SKI: variants seen among roughly 807,000 people sequenced by gnomAD.
SKI encodes SKI proto-oncogene, also known as ski oncogene.
In SKI, 23 loss-of-function variants were observed where a neutral mutation model predicts 59.3. That is an observed-to-expected ratio of 0.39 (90% CI 0.28 to 0.55). SKI has a LOEUF of 0.55. SKI is among the 20% of genes least tolerant of loss of function. The pLI is 0.67. For missense variants in SKI, 1,017 were observed against 1,038.9 expected (o/e 0.98, Z 0.29); for synonymous variants, 673 against 488.6 (o/e 1.38, Z -4.98).
Position 2,303,407 on chromosome 1 carries a change from G to T in SKI, c.1211+7G>T, listed in dbSNP as rs763945236. The T allele has an allele frequency of 1.2e-6, 2 of 1,607,186 alleles. No individual in the cohort carries two copies. Among genetic ancestry groups the T allele is most frequent in the East Asian group, 2.2e-5 (1 of 44,822 alleles). ...CGGCCCTCATCCGAGACAGGTGAGT[G>T]GGCGCCATTCACAGGTGTTTCTGAT... is the stretch of plus-strand genomic sequence containing the variant. On this transcript the variant is annotated splice_region_variant and intron_variant, in intron 3 of 6. Coordinates refer to ENST00000378536, the MANE Select transcript of SKI (RefSeq NM_003036.4). The surrounding 1 kb of genome is among the most constrained non-coding windows in gnomAD (Gnocchi z 5.6).
intron 1 of SKI, 108 bp from the exon 2 acceptor site, chr1:2,302,870 G>T: frequency 2.8e-6 from 4 of 1,451,668 alleles, no homozygotes; most frequent in Non-Finnish European, 2.9e-6. Context: ...AGGGTCGTTT[G>T]TGGCCGGAGT....
At chr1:2,299,253 AG>A (rs35472917) in intron 1 of SKI, among the ~76,000 whole-genome samples, 103,786 of 151,496 alleles carry the variant, frequency 0.69, 36,961 homozygotes, top group African/African-American at 0.88. Flanking sequence ...TGCCTCGGGG[AG>A]GGGGGGGGCC....
At chr1:2,292,596 A>G (rs1306036648) in intron 1 of SKI, among the ~76,000 whole-genome samples, 6 of 152,196 alleles carry the variant, frequency 3.9e-5, no homozygotes, top group African/African-American at 1.4e-4. Flanking sequence ...GTACCTGGCC[A>G]CAGCTGTCTC....
At chr1:2,279,939 T>C (rs1257658181) in intron 1 of SKI, among the ~76,000 whole-genome samples, 1 of 152,090 alleles carries the variant, frequency 6.6e-6, no homozygotes, top group Non-Finnish European at 1.5e-5. Flanking sequence ...CAGGCAGTTT[T>C]AGAGTAGGGT....
Position 2,304,582 on chromosome 1 carries a change from C to T in SKI, c.1764C>T (p.His588=). ...CCCTGCAGGCCAAGCGCAGCCTCCA[C>T]CAGGTGAGCGGGGCGAGTGGTGCTG... ...SAALQAKRSL[H]QELEFLRVAK... is the part of the protein sequence containing the mutation. The change falls in exon 5 of 7, where the codon CAC becomes CAT. Residue 588 remains histidine, a synonymous_variant. Transcript: ENST00000378536. 1 of 1,552,092 alleles carries T rather than the reference C, an allele frequency of 6.4e-7. No individual in the cohort carries two copies. The highest frequency in any genetic ancestry group is 2.4e-5 in the East Asian group (1 of 41,150).
At chr1:2,274,851 C>T (rs754900856) in intron 1 of SKI, among the ~76,000 whole-genome samples, 7 of 152,202 alleles carry the variant, frequency 4.6e-5, no homozygotes, top group East Asian at 1.9e-4. Context: ...GTCACTTTCC[C>T]GGCCGCCACG....
chr1:2,293,271 C>G (rs147195582), intron 1 of SKI, among the ~76,000 whole-genome samples: 438 of 152,240 alleles, frequency 2.9e-3, no homozygotes, highest in Non-Finnish European at 5.0e-3. Context: ...ACCTGAGGTT[C>G]GTGGTGGGAT....
At position 2,269,365 on chromosome 1, in the gene SKI, T is replaced by C. The variant is rs970434263; in HGVS notation, c.970-33613T>C. Among the ~76,000 whole-genome samples, 7 of 152,202 alleles carry C rather than the reference T, an allele frequency of 4.6e-5. No homozygotes were observed. Among genetic ancestry groups the C allele is most frequent in the Admixed American group, 2.0e-4 (3 of 15,288 alleles). On this transcript the variant is annotated intron_variant, in intron 1 of 6. Transcript: ENST00000378536. The surrounding 1 kb of genome is among the most constrained non-coding windows in gnomAD (Gnocchi z 4.7). ...ACAGAGACAGTGGGTTTTGCAGTGATGTGAGCTTTGACGGAAGTGGCCACA... is the reference window on the plus strand; with the variant it reads ...ACAGAGACAGTGGGTTTTGCAGTGACGTGAGCTTTGACGGAAGTGGCCACA...
chr1:2,233,006 T>C (rs911698153), intron 1 of SKI, among the ~76,000 whole-genome samples: 2 of 152,208 alleles, frequency 1.3e-5, no homozygotes, highest in African/African-American at 4.8e-5. Context: ...TACATTTTTT[T>C]GTCAGTATAG....
rs1640595673 is a variant in SKI at position 2,306,721 on chromosome 1, C to T, written c.2143C>T (p.Pro715Ser). ...LQEQLWPRAR[P>S]EAAGSEGAAE... is the part of the protein sequence containing the mutation. ...GGAACAGCTGTGGCCGCGGGCCCGC[C>T]CCGAGGCTGCGGGCAGCGAGGGCGC... Residue 715 changes from proline to serine, a missense_variant, in exon 7 of 7, where the codon CCC becomes TCC. Pro to Ser is a moderately conservative substitution (Grantham distance 74, BLOSUM62 -1). Coordinates refer to ENST00000378536, the MANE Select transcript of SKI (RefSeq NM_003036.4). The T allele has an allele frequency of 2.6e-6, 4 of 1,534,646 alleles. No homozygotes were observed. The highest frequency in any genetic ancestry group is 1.2e-5 in the South Asian group (1 of 82,890).
At position 2,303,107 on chromosome 1, in the gene SKI, C is replaced by A; in HGVS notation, c.1095+4C>A. ...CTTGGCCGGCTCTTCCAATAAGGTGCTGTGGGGCCTGTCGGGGTCCTTGGG... is the reference window on the plus strand; with the variant it reads ...CTTGGCCGGCTCTTCCAATAAGGTGATGTGGGGCCTGTCGGGGTCCTTGGG... On this transcript the variant is annotated splice_donor_region_variant and intron_variant, in intron 2 of 6. Transcript: ENST00000378536. The surrounding 1 kb of genome is among the most constrained non-coding windows in gnomAD (Gnocchi z 5.6). The A allele has an allele frequency of 6.2e-7, 1 of 1,613,224 alleles. No individual in the cohort carries two copies. The highest frequency in any genetic ancestry group is 8.5e-7 in the Non-Finnish European group (1 of 1,180,018).
chr1:2,231,045 C>T (rs1004572746), intron 1 of SKI, among the ~76,000 whole-genome samples: 6 of 152,196 alleles, frequency 3.9e-5, no homozygotes, highest in Admixed American at 1.3e-4. Flanking sequence ...GCCTGCAGAC[C>T]TGTGGGCTGG....
rs1638854551 is a variant in SKI, at chr1:2,240,815, GCT to G, written c.969+11083_969+11084del. ...CAGGTGAGAGGCGCGAGAAACCACA[GCT>G]CTTAGGAAAATCCGTGCTGCCCAGT... On this transcript the variant is annotated intron_variant, in intron 1 of 6. Coordinates refer to ENST00000378536, the MANE Select transcript of SKI (RefSeq NM_003036.4). 4 of 985,154 alleles carry G rather than the reference GCT, an allele frequency of 4.1e-6. 1 individual carries two copies. The African/African-American group carries it at 7.0e-5, about 17-fold the overall frequency. The allele number at this position is 985,154 out of a possible 1,614,324, so 61.0% of individuals were successfully genotyped here.
rs1639520176 is a variant in SKI, at chr1:2,267,280, G to A, written c.970-35698G>A. ...TGTGGGCCAGCCGTCAGGAAAGGGGGGACTAGCACGTACCACTCAGAATTC... is the reference window on the plus strand; with the variant it reads ...TGTGGGCCAGCCGTCAGGAAAGGGGAGACTAGCACGTACCACTCAGAATTC... On this transcript the variant is annotated intron_variant, in intron 1 of 6. Transcript: ENST00000378536. The surrounding 1 kb of genome is among the most constrained non-coding windows in gnomAD (Gnocchi z 4.1). 1.3e-5 allele frequency among the ~76,000 whole-genome samples: 2 copies of A among 152,152 alleles called. No homozygotes were observed. The highest frequency in any genetic ancestry group is 6.6e-5 in the Admixed American group (1 of 15,262).
rs542385283 is a variant in SKI, at chr1:2,304,846, C to T, written c.1767+261C>T. ...TACATTTGGCTTGACCACAGCTTTC[C>T]CCATCAGGATCACACACCCTGCGTG... On this transcript the variant is annotated intron_variant, in intron 5 of 6. Coordinates refer to ENST00000378536, the MANE Select transcript of SKI (RefSeq NM_003036.4). Among the ~76,000 whole-genome samples the T allele has an allele frequency of 3.9e-5, 6 of 152,348 alleles. No individual in the cohort carries two copies. The East Asian group carries it at 7.7e-4, about 20-fold the overall frequency.
At position 2,270,700 on chromosome 1, in the gene SKI, G is replaced by A. The variant is rs561607820; in HGVS notation, c.970-32278G>A. ...TCTCCAGAGGGGCTGGAGGTGGGGC[G>A]GGAGCAGAGACTGGACCTGGCCAGC... is the stretch of plus-strand genomic sequence containing the variant. On this transcript the variant is annotated intron_variant, in intron 1 of 6. Coordinates refer to ENST00000378536, the MANE Select transcript of SKI (RefSeq NM_003036.4). The surrounding 1 kb of genome is among the most constrained non-coding windows in gnomAD (Gnocchi z 4.1). 8.5e-5 allele frequency among the ~76,000 whole-genome samples: 13 copies of A among 152,182 alleles called. No individual in the cohort carries two copies. The East Asian group carries it at 2.5e-3, about 29-fold the overall frequency.
intron 1 of SKI, among the ~76,000 whole-genome samples, chr1:2,289,046 G>C (rs537848492): frequency 7.4e-4 from 113 of 152,326 alleles, no homozygotes; most frequent in African/African-American, 2.5e-3. Flanking sequence ...TGGTCAGCTT[G>C]CTGCACCCAC....
chr1:2,295,402 A>C (rs1640260404), intron 1 of SKI, among the ~76,000 whole-genome samples: 2 of 152,240 alleles, frequency 1.3e-5, no homozygotes, highest in African/African-American at 4.8e-5. Context: ...CTGTATTCAG[A>C]TATAATTTGC....
chr1:2,293,511 C>A (rs894533635), intron 1 of SKI, among the ~76,000 whole-genome samples: 1 of 151,648 alleles, frequency 6.6e-6, no homozygotes, highest in Admixed American at 6.6e-5. Flanking sequence ...GCGTGTCTGT[C>A]CCCACCATCG....
Sources: allele counts gnomAD v4.1 joint callset (sites outside exome capture counted in the v4.1 genomes callset), GRCh38; gene constraint gnomAD v4.1.1; non-coding constraint Gnocchi (gnomAD v3.1); transcripts MANE v1.5; gene names NCBI Gene and HGNC (gene_info 2026-07-23, HGNC 2026-07-21).